The following TBCE variants were observed in gnomAD, a reference collection of about 807,000 sequenced individuals.
TBCE encodes the protein tubulin folding cofactor E, also known as tubulin-specific chaperone E.
Under a neutral mutation model 77.0 loss-of-function variants are expected in TBCE, and 53 were observed. The observed-to-expected ratio is 0.69, with a 90% CI of 0.55 to 0.87. TBCE has a LOEUF of 0.87. TBCE is among the 40% of genes least tolerant of loss of function. TBCE has a pLI of 0.00. For synonymous variants in TBCE, 235 were observed against 241.3 expected, an observed-to-expected ratio of 0.97 and a Z score of 0.24; for missense variants, 624 against 622.4, an observed-to-expected ratio of 1.00 and a Z score of -0.03.
At chr1:235,431,785 G>A (rs557009698) in intron 7 of TBCE, among the ~76,000 whole-genome samples, 10 of 149,946 alleles carry the variant, frequency 6.7e-5, no homozygotes, top group African/African-American at 1.5e-4. Flanking sequence ...TGATTCTTCC[G>A]CGTCAGCCTC....
Position 235,442,835 on chromosome 1 carries a change from CTTTG to C in TBCE, c.1340-13_1340-10del. On this transcript the variant is annotated splice_polypyrimidine_tract_variant and intron_variant, in intron 14 of 16. Transcript: ENST00000642610. ...ATAGTAGATATCAATTAGTCTTTTTCTTTGTTTCTCTTAAAGCACTGAAGATAAA... is the reference window on the plus strand; with the variant it reads ...ATAGTAGATATCAATTAGTCTTTTTCTTTCTCTTAAAGCACTGAAGATAAA... The C allele has an allele frequency of 6.8e-6, 11 of 1,612,886 alleles. No individual in the cohort carries two copies. Among genetic ancestry groups the C allele is most frequent in the Non-Finnish European group, 9.3e-6 (11 of 1,179,136 alleles).
Position 235,419,567 on chromosome 1 carries a change from CT to C in TBCE, c.460+10del. 1 of 1,613,940 alleles carries C rather than the reference CT, an allele frequency of 6.2e-7. No individual in the cohort carries two copies. The highest frequency in any genetic ancestry group is 8.5e-7 in the Non-Finnish European group (1 of 1,179,978). On this transcript the variant is annotated splice_region_variant and intron_variant, in intron 5 of 16. Transcript: ENST00000642610. ...AGTTGCTGAAGCATGTCCTAGTATC[CT>C]TTTCACCGAGAGCTTGTTATTGGAA...
Position 235,427,250 on chromosome 1 carries a change from T to G in TBCE, c.560+11T>G, listed in dbSNP as rs919880893. ...AGTCCTTAATGTCAGGTATGAACTC[T>G]TGGTTGCTGAATCTTCATTAACAAT... On this transcript the variant is annotated intron_variant, in intron 6 of 16. Transcript: ENST00000642610. 6.4e-7 allele frequency: 1 copy of G among 1,574,754 alleles called. No individual in the cohort carries two copies. The highest frequency in any genetic ancestry group is 1.4e-5 in the African/African-American group (1 of 73,940).
intron 15 of TBCE, among the ~76,000 whole-genome samples, chr1:235,446,719 G>T: frequency 6.7e-6 from 1 of 148,890 alleles, no homozygotes. Context: ...TTTGAGACAG[G>T]TTCTCACTTT....
intron 2 of TBCE, among the ~76,000 whole-genome samples, chr1:235,382,745 T>A (rs1311495951): frequency 2.0e-5 from 3 of 147,850 alleles, no homozygotes; most frequent in Admixed American, 1.4e-4. Flanking sequence ...GTTGCGAAAA[T>A]TTTCTCCCAT....
In TBCE at chr1:235,439,038, G is replaced by C; in HGVS notation, c.1270+116G>C. 3 of 1,453,130 alleles carry C rather than the reference G, an allele frequency of 2.1e-6. No individual in the cohort carries two copies. In the South Asian group the frequency reaches 3.4e-5, roughly 17 times the overall value. 90.0% of individuals were successfully genotyped at this position (1,453,130 alleles called of 1,614,324 possible). ...GCTTTTGCCCTTCTTCCTTTCCTGG[G>C]CTTCTTGTATTCATCTGAATGGACT... is the stretch of plus-strand genomic sequence containing the variant. On this transcript the variant is annotated intron_variant, in intron 13 of 16. Transcript: ENST00000642610.
rs1312137444 is a variant in TBCE at position 235,370,406 on chromosome 1, C to T, written c.-32+2902C>T. Reference sequence around the variant, plus strand: ...TAGCTGTGATTACAGGCGCATGCCACCATGCCTGGCTAATTTTTGTATTTT... The same window carrying T: ...TAGCTGTGATTACAGGCGCATGCCATCATGCCTGGCTAATTTTTGTATTTT... On this transcript the variant is annotated intron_variant, in intron 1 of 16. Coordinates refer to ENST00000642610, the MANE Select transcript of TBCE (RefSeq NM_003193.5). Among the ~76,000 whole-genome samples, 5 of 152,018 alleles carry T rather than the reference C, an allele frequency of 3.3e-5. No individual in the cohort carries two copies. The South Asian group carries it at 6.2e-4, about 19-fold the overall frequency.
At chr1:235,406,248 G>A (rs1267676275) in intron 3 of TBCE, among the ~76,000 whole-genome samples, 1 of 152,030 alleles carries the variant, frequency 6.6e-6, no homozygotes, top group African/African-American at 2.4e-5. Context: ...GAATTTAACT[G>A]GTCCTTTAGA....
chr1:235,443,466 G>A (rs1393318631), intron 15 of TBCE, among the ~76,000 whole-genome samples: 1 of 152,094 alleles, frequency 6.6e-6, no homozygotes, highest in Admixed American at 6.6e-5. Context: ...GCCTCCCAGT[G>A]TTGGAATTAA....
chr1:235,378,358 C>T (rs919389873), intron 1 of TBCE, among the ~76,000 whole-genome samples: 2 of 151,338 alleles, frequency 1.3e-5, no homozygotes, highest in Admixed American at 1.3e-4. Flanking sequence ...GTAGCTGGGA[C>T]TACAGGCGTG....
chr1:235,427,271 A>C, intron 6 of TBCE, 32 bp downstream of exon 6: 1 of 1,465,172 alleles, frequency 6.8e-7, no homozygotes, highest in South Asian at 1.1e-5. Context: ...ATCTTCATTA[A>C]CAATAAAGCT....
rs2102962320 is a variant in TBCE, at chr1:235,450,187, C to T, written c.*1425C>T. 6.2e-7 allele frequency: 1 copy of T among 1,614,002 alleles called. No homozygotes were observed. The highest frequency in any genetic ancestry group is 8.5e-7 in the Non-Finnish European group (1 of 1,179,910). The stretch of plus-strand genomic sequence containing the variant: ...CGTTTGCCTGCCCTGATTTTAGACT[C>T]TGCTAATTCAAGTCCCTGTTATCTT... On this transcript the variant is annotated 3_prime_UTR_variant, in exon 17 of 17. Transcript: ENST00000642610.
At chr1:235,432,981 C>T (rs1162381641) in intron 7 of TBCE, 16 of 1,498,360 alleles carry the variant, frequency 1.1e-5, no homozygotes, top group Non-Finnish European at 1.4e-5. Flanking sequence ...GGCACGGTCT[C>T]GACATGCAGA....
chr1:235,398,768 C>G (rs1678907270), intron 2 of TBCE, among the ~76,000 whole-genome samples: 1 of 144,080 alleles, frequency 6.9e-6, no homozygotes, highest in Admixed American at 7.0e-5. Flanking sequence ...GTAGTCCCAG[C>G]TACTCGGAAG....
At chr1:235,373,749 C>T (rs919901539) in intron 1 of TBCE, among the ~76,000 whole-genome samples, 4 of 150,662 alleles carry the variant, frequency 2.7e-5, no homozygotes, top group African/African-American at 9.8e-5. Context: ...CCCGGGTTCA[C>T]GCCATTCTCC....
At chr1:235,378,973 C>T (rs1677459120) in intron 1 of TBCE, among the ~76,000 whole-genome samples, 1 of 152,196 alleles carries the variant, frequency 6.6e-6, no homozygotes, top group South Asian at 2.1e-4. Flanking sequence ...GTCTCACAGG[C>T]TCTCTCTGCA....
chr1:235,441,498 C>T (rs1572445396), intron 13 of TBCE: 1 of 340,518 alleles, frequency 2.9e-6, no homozygotes, highest in East Asian at 6.6e-5. Context: ...AGTCAGGACA[C>T]CTAAGGAACA....
At chr1:235,413,199 G>T (rs573463156) in intron 3 of TBCE, among the ~76,000 whole-genome samples, 15 of 152,232 alleles carry the variant, frequency 9.9e-5, no homozygotes, top group African/African-American at 3.4e-4. Context: ...CTTAAAAAAA[G>T]TACGAAAAGT....
intron 5 of TBCE, among the ~76,000 whole-genome samples, chr1:235,425,565 G>A (rs1289425165): frequency 1.3e-5 from 2 of 152,108 alleles, no homozygotes; most frequent in East Asian, 1.9e-4. Context: ...GTCACCTGTC[G>A]CTGTTTCAAA....
Sources: gnomAD v4.1 joint callset for allele counts (sites outside exome capture counted in the v4.1 genomes callset) on GRCh38, gnomAD v4.1.1 for gene constraint, MANE v1.5 for transcripts, NCBI Gene and HGNC (gene_info 2026-07-23, HGNC 2026-07-21) for gene names.